The following ARHGAP32 variants were observed in gnomAD, a reference collection of about 807,000 sequenced individuals.
ARHGAP32 encodes the protein rho GTPase-activating protein 32.
In ARHGAP32, 51 loss-of-function variants were observed where a neutral mutation model predicts 186.5. The ratio of observed to expected loss-of-function variants is 0.27; its 90% confidence interval spans 0.22 to 0.35. The LOEUF (loss-of-function observed/expected upper bound fraction) is 0.35. ARHGAP32 is among the 10% of genes least tolerant of loss of function. ARHGAP32 has a pLI of 1.00. For synonymous variants in ARHGAP32, 950 were observed against 964.3 expected (o/e 0.99, Z 0.27); for missense variants, 2,186 against 2,623.5 (o/e 0.83, Z 3.64).
chr11:128,980,267 A>G (rs1033044484), intron 18 of ARHGAP32, among the ~76,000 whole-genome samples: 2 of 152,226 alleles, frequency 1.3e-5, no homozygotes, highest in Non-Finnish European at 2.9e-5. Flanking sequence ...AGAGAGCAAA[A>G]TCAACCCATA....
At chr11:129,002,540 G>C (rs982360626) in intron 11 of ARHGAP32, among the ~76,000 whole-genome samples, 5 of 152,092 alleles carry the variant, frequency 3.3e-5, no homozygotes, top group African/African-American at 1.2e-4. Flanking sequence ...CTGCAAACAA[G>C]GATAATTTGG....
chr11:128,986,560 GT>G lies in ARHGAP32; in HGVS notation c.1406del (p.Asn469ThrfsTer25), dbSNP rs1357297449. On this transcript the variant is annotated frameshift_variant, in exon 14 of 23. Coordinates refer to ENST00000682385, the MANE Select transcript of ARHGAP32 (RefSeq NM_001378024.1). LOFTEE classifies it high-confidence loss of function. ...LCKLYFRELP[N>X]PLLTYQLYEK... is the part of the protein sequence containing the mutation. ...CATACAGCTGGTAGGTAAGCAGAGG[GT>G]TTGGGAGTTCCCGGAAGTACAGCTT... The G allele has an allele frequency of 6.2e-7, 1 of 1,614,108 alleles. No homozygotes were observed. Among genetic ancestry groups the G allele is most frequent in the Admixed American group, 1.7e-5 (1 of 60,012 alleles).
intron 6 of ARHGAP32, among the ~76,000 whole-genome samples, chr11:129,071,018 T>G (rs1940850965): frequency 6.6e-6 from 1 of 152,096 alleles, no homozygotes; most frequent in East Asian, 1.9e-4. Flanking sequence ...TATAATTGTA[T>G]GTTTAATCAA....
In ARHGAP32 at chr11:129,230,503, CTACT is replaced by C. The variant is rs374949842; in HGVS notation, c.-5+48639_-5+48642del. On this transcript the variant is annotated intron_variant, in intron 1 of 6. Transcript: ENST00000525234. ...TCCATAACATATTTACTGTTTTATT[CTACT>C]TACTTTTTTAAAATTTGGTTATAAA... Among the ~76,000 whole-genome samples, 363 of 152,000 alleles carry C rather than the reference CTACT, an allele frequency of 2.4e-3. 2 individuals carry two copies. The South Asian group carries it at 0.034, about 14-fold the overall frequency.
intron 11 of ARHGAP32, among the ~76,000 whole-genome samples, chr11:129,005,166 A>G (rs984884277): frequency 6.6e-6 from 1 of 151,978 alleles, no homozygotes; most frequent in Non-Finnish European, 1.5e-5. Context: ...GTATGCTTTA[A>G]CTTCATCCTC....
At chr11:129,275,993 G>A (rs1591392872) in intron 1 of ARHGAP32, among the ~76,000 whole-genome samples, 2 of 152,340 alleles carry the variant, frequency 1.3e-5, no homozygotes, top group South Asian at 2.1e-4. Flanking sequence ...GAAGTTCAAA[G>A]TCTTGTCCAG....
At chr11:129,139,114 A>G (rs1028011030) in intron 2 of ARHGAP32, among the ~76,000 whole-genome samples, 1 of 152,216 alleles carries the variant, frequency 6.6e-6, no homozygotes, top group African/African-American at 2.4e-5. Context: ...AAGTCGCTAA[A>G]CATTACTTAT....
intron 10 of ARHGAP32, among the ~76,000 whole-genome samples, chr11:129,060,150 T>C (rs1661966): frequency 0.12 from 18,936 of 152,142 alleles, 1,337 homozygotes; most frequent in Non-Finnish European, 0.15. Flanking sequence ...CAACAAAACT[T>C]TGGGGTATAA....
At chr11:129,183,667 C>A (rs1207563986) in intron 1 of ARHGAP32, among the ~76,000 whole-genome samples, 2 of 152,048 alleles carry the variant, frequency 1.3e-5, no homozygotes, top group Non-Finnish European at 2.9e-5. Flanking sequence ...GAATGCTTGA[C>A]CATATCTTCA....
chr11:129,102,554 A>G (rs1421363338), intron 5 of ARHGAP32, among the ~76,000 whole-genome samples: 1 of 152,178 alleles, frequency 6.6e-6, no homozygotes, highest in Non-Finnish European at 1.5e-5. Context: ...GCAAAGTACT[A>G]GAGAATAGAC....
chr11:129,278,289 ACT>A (rs1382979594), intron 1 of ARHGAP32, among the ~76,000 whole-genome samples: 9 of 152,244 alleles, frequency 5.9e-5, no homozygotes, highest in Non-Finnish European at 1.2e-4. Flanking sequence ...ACAGATTGTA[ACT>A]CTGCATTCAG....
chr11:129,134,127 T>C (rs953358290), intron 2 of ARHGAP32, among the ~76,000 whole-genome samples: 2 of 151,868 alleles, frequency 1.3e-5, no homozygotes, highest in Non-Finnish European at 2.9e-5. Flanking sequence ...AAACAGATCA[T>C]CCCAAGACTG....
intron 11 of ARHGAP32, among the ~76,000 whole-genome samples, chr11:128,998,990 T>C (rs919480598): frequency 2.0e-5 from 3 of 152,166 alleles, no homozygotes; most frequent in Non-Finnish European, 4.4e-5. Flanking sequence ...AAAACATGTG[T>C]GTATGAACAA....
chr11:129,102,509 TAAC>T (rs1469786235), intron 5 of ARHGAP32, among the ~76,000 whole-genome samples: 3 of 152,064 alleles, frequency 2.0e-5, no homozygotes, highest in Non-Finnish European at 4.4e-5. Context: ...TTCTATCACC[TAAC>T]AACAACAAAA....
At chr11:129,279,020 C>A (rs1591394931) in intron 1 of ARHGAP32, 3 of 147,818 alleles carry the variant, frequency 2.0e-5, no homozygotes, top group Admixed American at 2.0e-4. Context: ...CCTCCGGGAG[C>A]ATGCGATCCG....
chr11:129,277,457 G>A (rs7949284), intron 1 of ARHGAP32, among the ~76,000 whole-genome samples: 46,927 of 151,980 alleles, frequency 0.31, 7,586 homozygotes, highest in Middle Eastern at 0.4. Context: ...AACTGGAGAA[G>A]GTTCTTCCAA....
chr11:129,099,059 G>GA (rs1005116106), intron 5 of ARHGAP32, among the ~76,000 whole-genome samples: 36 of 151,944 alleles, frequency 2.4e-4, no homozygotes, highest in Non-Finnish European at 1.5e-5. Flanking sequence ...GGAATATAGG[G>GA]AAAAAAGCTA....
intron 2 of ARHGAP32, among the ~76,000 whole-genome samples, chr11:129,132,063 G>A (rs1483229387): frequency 6.6e-6 from 1 of 152,210 alleles, no homozygotes; most frequent in African/African-American, 2.4e-5. Context: ...TAGCATGCAT[G>A]AGCTATTTTT....
intron 2 of ARHGAP32, among the ~76,000 whole-genome samples, chr11:129,149,977 A>T (rs572935463): frequency 2.6e-5 from 4 of 152,182 alleles, no homozygotes; most frequent in Non-Finnish European, 5.9e-5. Flanking sequence ...GAAATGAAAG[A>T]CACACTTACA....
Sources: gnomAD v4.1 joint callset for allele counts (sites outside exome capture counted in the v4.1 genomes callset) on GRCh38, gnomAD v4.1.1 for gene constraint, MANE v1.5 for transcripts, NCBI Gene and HGNC (gene_info 2026-07-23, HGNC 2026-07-21) for gene names.